The following CADM2 variants were observed in gnomAD, a reference collection of about 807,000 sequenced individuals.
CADM2 encodes the protein cell adhesion molecule 2, also known as immunoglobulin superfamily member 4D.
In CADM2, 12 loss-of-function variants were observed where a neutral mutation model predicts 49.8. The observed-to-expected ratio is 0.24, with a 90% CI of 0.15 to 0.39. The LOEUF (loss-of-function observed/expected upper bound fraction) is 0.39. CADM2 is among the 10% of genes least tolerant of loss of function. The pLI, the probability that CADM2 is intolerant of heterozygous loss-of-function variation, is 1.00. For missense variants in CADM2, 378 were observed against 492.3 expected (o/e 0.77, Z 2.20); for synonymous variants, 214 against 175.4 (o/e 1.22, Z -1.74).
intron 1 of CADM2, among the ~76,000 whole-genome samples, chr3:85,612,754 A>G (rs542885584): frequency 1.3e-3 from 197 of 151,950 alleles, no homozygotes; most frequent in African/African-American, 4.5e-3. Context: ...TTATTATAGC[A>G]TAATAGATAC....
At chr3:85,246,249 G>C (rs1206857534) in intron 1 of CADM2, among the ~76,000 whole-genome samples, 1 of 151,976 alleles carries the variant, frequency 6.6e-6, no homozygotes, top group Non-Finnish European at 1.5e-5. Context: ...TGAACAATGA[G>C]AACACTTGGA....
At chr3:85,940,245 A>G (rs1455500557) in intron 7 of CADM2, among the ~76,000 whole-genome samples, 2 of 151,514 alleles carry the variant, frequency 1.3e-5, no homozygotes, top group Non-Finnish European at 2.9e-5. Flanking sequence ...AGGTTGAGCA[A>G]GGAGAATTGC....
intron 1 of CADM2, among the ~76,000 whole-genome samples, chr3:85,178,730 A>G (rs1030662813): frequency 1.3e-5 from 2 of 151,784 alleles, no homozygotes; most frequent in Non-Finnish European, 3.0e-5. Context: ...ATTTACGTCG[A>G]TCCTATTTGT....
At chr3:85,254,308 T>G (rs2042837609) in intron 1 of CADM2, among the ~76,000 whole-genome samples, 1 of 152,048 alleles carries the variant, frequency 6.6e-6, no homozygotes, top group Admixed American at 6.6e-5. Context: ...GGCACCTCCA[T>G]GGGTTCAGCA....
chr3:85,656,338 C>T (rs62261678), intron 1 of CADM2, among the ~76,000 whole-genome samples: 21,542 of 151,864 alleles, frequency 0.14, 1,695 homozygotes, highest in African/African-American at 0.2. Context: ...TAAGAAAAGC[C>T]GGGCGCAGTG....
At chr3:85,171,628 T>C (rs1267870097) in intron 1 of CADM2, among the ~76,000 whole-genome samples, 1 of 152,196 alleles carries the variant, frequency 6.6e-6, no homozygotes, top group Non-Finnish European at 1.5e-5. Flanking sequence ...CTCAGGTTAA[T>C]TGTCTATATT....
intron 1 of CADM2, among the ~76,000 whole-genome samples, chr3:85,069,155 T>A (rs991657901): frequency 6.6e-6 from 1 of 151,918 alleles, no homozygotes; most frequent in Admixed American, 6.6e-5. Context: ...AAAACTAGGA[T>A]GTTTCCCATG....
chr3:85,693,723 C>CAAAAAAAA (rs397807084), intron 1 of CADM2, among the ~76,000 whole-genome samples: 7 of 66,536 alleles, frequency 1.1e-4, no homozygotes, highest in Non-Finnish European at 1.4e-4. Flanking sequence ...ACGTATCTAC[C>CAAAAAAAA]AAAAAAAAAA....
intron 1 of CADM2, among the ~76,000 whole-genome samples, chr3:85,355,831 A>G (rs568646853): frequency 6.6e-6 from 1 of 152,168 alleles, no homozygotes; most frequent in African/African-American, 2.4e-5. Context: ...GAGGGGAAGA[A>G]GAGTGGGCTA....
intron 2 of CADM2, among the ~76,000 whole-genome samples, chr3:85,786,959 C>G (rs2071027413): frequency 1.3e-5 from 2 of 151,948 alleles, no homozygotes; most frequent in Admixed American, 1.3e-4. Flanking sequence ...CTGCTGGGAA[C>G]TTGTTCATTT....
In CADM2 at chr3:85,428,654, TATATA is replaced by T. The variant is rs1269807886; in HGVS notation, c.62-297862_62-297858del. ...ATAAAAATATAAGAATTATATAAAA[TATATA>T]ATATATCATATATAATATATCATAT... On this transcript the variant is annotated intron_variant, in intron 1 of 9. Coordinates refer to ENST00000383699, the MANE Select transcript of CADM2 (RefSeq NM_001167675.2). 3.3e-3 allele frequency among the ~76,000 whole-genome samples: 480 copies of T among 145,760 alleles called. 2 individuals are homozygous for T. Among genetic ancestry groups the T allele is most frequent in the African/African-American group, 0.011 (426 of 39,866 alleles).
intron 1 of CADM2, among the ~76,000 whole-genome samples, chr3:85,284,113 T>A (rs2043570018): frequency 6.6e-6 from 1 of 152,182 alleles, no homozygotes; most frequent in Non-Finnish European, 1.5e-5. Context: ...AATTAAACTC[T>A]ACGGAATGAA....
intron 1 of CADM2, among the ~76,000 whole-genome samples, chr3:85,435,304 G>T (rs1347641331): frequency 6.6e-6 from 1 of 152,102 alleles, no homozygotes; most frequent in Non-Finnish European, 1.5e-5. Context: ...TGCTGAGAAT[G>T]ATGGTTTCCA....
intron 1 of CADM2, among the ~76,000 whole-genome samples, chr3:85,244,576 C>T (rs965267530): frequency 6.6e-6 from 1 of 152,038 alleles, no homozygotes; most frequent in Admixed American, 6.6e-5. Flanking sequence ...TGTTATTTCT[C>T]ATTAGTCATT....
Position 85,359,666 on chromosome 3 carries a change from A to ATATATATATATATATATATTTTTT in CADM2, c.62-366855_62-366854insATATATATATATATATATTTTTTT. On this transcript the variant is annotated intron_variant, in intron 1 of 9. Coordinates refer to ENST00000383699, the MANE Select transcript of CADM2 (RefSeq NM_001167675.2). ...TATATATATATATATATATATATAT[A>ATATATATATATATATATATTTTTT]TTTTTTTTTTTGGTGGAGGGGAGAA... is the stretch of plus-strand genomic sequence containing the variant. Among the ~76,000 whole-genome samples, 124 of 26,474 alleles carry ATATATATATATATATATATTTTTT rather than the reference A, an allele frequency of 4.7e-3. 1 individual carries two copies. Among genetic ancestry groups the ATATATATATATATATATATTTTTT allele is most frequent in the Non-Finnish European group, 7.0e-3 (86 of 12,252 alleles). The allele number at this position is 26,474 out of a possible 152,430, so 17.4% of individuals were successfully genotyped here.
At chr3:85,245,769 A>C (rs1241498910) in intron 1 of CADM2, among the ~76,000 whole-genome samples, 1 of 152,132 alleles carries the variant, frequency 6.6e-6, no homozygotes, top group Non-Finnish European at 1.5e-5. Flanking sequence ...AGCTATATTA[A>C]CCTAAGTTAC....
chr3:85,162,722 C>A (rs1009452974), intron 1 of CADM2, among the ~76,000 whole-genome samples: 3 of 151,810 alleles, frequency 2.0e-5, no homozygotes, highest in Admixed American at 6.6e-5. Flanking sequence ...TATGGTCTTA[C>A]ATGGAATTTA....
chr3:85,628,629 G>A (rs372000244), intron 1 of CADM2, among the ~76,000 whole-genome samples: 29 of 17,838 alleles, frequency 1.6e-3, no homozygotes, highest in Middle Eastern at 0.067. Flanking sequence ...ACATATATAC[G>A]CATATATACA....
At chr3:86,064,250 C>T (rs1424003140) in intron 8 of CADM2, among the ~76,000 whole-genome samples, 2 of 152,020 alleles carry the variant, frequency 1.3e-5, no homozygotes, top group East Asian at 3.9e-4. Context: ...GTTCCCCTTC[C>T]TGTGCCCAAG....
Sources: allele counts gnomAD v4.1 joint callset (sites outside exome capture counted in the v4.1 genomes callset), GRCh38; gene constraint gnomAD v4.1.1; transcripts MANE v1.5; gene names NCBI Gene and HGNC (gene_info 2026-07-23, HGNC 2026-07-21).